The following SGCD variants were observed in gnomAD, a reference collection of about 807,000 sequenced individuals.
The protein encoded by SGCD is delta-sarcoglycan.
Under a neutral mutation model 36.6 loss-of-function variants are expected in SGCD, and 18 were observed. The ratio of observed to expected loss-of-function variants is 0.49; its 90% confidence interval spans 0.34 to 0.73. The LOEUF is 0.73. Ranked by LOEUF, SGCD falls within the 30% of genes least tolerant of loss-of-function variation. SGCD has a pLI of 0.01. For synonymous variants in SGCD, 133 were observed against 130.6 expected (o/e 1.02, Z -0.12); for missense variants, 387 against 346.7 (o/e 1.12, Z -0.92).
intron 1 of SGCD, among the ~76,000 whole-genome samples, chr5:155,931,097 C>A (rs1757090792): frequency 2.0e-5 from 3 of 151,966 alleles, no homozygotes; most frequent in African/African-American, 7.3e-5. Flanking sequence ...GGATATGTTC[C>A]TAAACTGAAT....
intron 1 of SGCD, among the ~76,000 whole-genome samples, chr5:155,981,394 TA>T (rs1758226731): frequency 6.6e-6 from 1 of 152,124 alleles, no homozygotes; most frequent in South Asian, 2.1e-4. Context: ...ATCTATAGTA[TA>T]GCAGTATAGG....
intron 1 of SGCD, among the ~76,000 whole-genome samples, chr5:156,077,197 C>G (rs1760808724): frequency 6.6e-6 from 1 of 152,104 alleles, no homozygotes; most frequent in Non-Finnish European, 1.5e-5. Flanking sequence ...ACTGCCTGAG[C>G]TGGCATCTAA....
chr5:156,230,344 T>C (rs2127650989), intron 3 of SGCD, among the ~76,000 whole-genome samples: 1 of 152,292 alleles, frequency 6.6e-6, no homozygotes, highest in Non-Finnish European at 1.5e-5. Flanking sequence ...CGAAGGCTCT[T>C]GTTCAGATTC....
chr5:156,596,408 C>T (rs1760928042), intron 6 of SGCD, among the ~76,000 whole-genome samples: 2 of 152,220 alleles, frequency 1.3e-5, no homozygotes, highest in Non-Finnish European at 2.9e-5. Flanking sequence ...ATAGAAGTAT[C>T]TATCTTCTGA....
At chr5:156,492,810 G>T (rs939724646) in intron 3 of SGCD, among the ~76,000 whole-genome samples, 1 of 152,000 alleles carries the variant, frequency 6.6e-6, no homozygotes, top group Admixed American at 6.6e-5. Context: ...GAGAACATGT[G>T]GTGTTTAGTT....
the SGCD span, among the ~76,000 whole-genome samples, chr5:155,811,308 T>C: frequency 2.6e-5 from 4 of 152,034 alleles, no homozygotes; most frequent in African/African-American, 9.7e-5. Flanking sequence ...CAACAACAAA[T>C]TGTGGGCTTT....
intron 7 of SGCD, among the ~76,000 whole-genome samples, chr5:156,654,448 G>C (rs945813671): frequency 1.1e-4 from 16 of 152,108 alleles, no homozygotes; most frequent in African/African-American, 2.9e-4. Flanking sequence ...CCTTCAGTAT[G>C]AGTCATTAAT....
chr5:156,073,325 A>T (rs1468186347), intron 1 of SGCD, among the ~76,000 whole-genome samples: 1 of 152,192 alleles, frequency 6.6e-6, no homozygotes, highest in Non-Finnish European at 1.5e-5. Flanking sequence ...TGGGAGGCCA[A>T]GGTGGGAGGA....
At chr5:155,901,124 A>G (rs1405914660) in intron 1 of SGCD, among the ~76,000 whole-genome samples, 1 of 152,036 alleles carries the variant, frequency 6.6e-6, no homozygotes, top group African/African-American at 2.4e-5. Flanking sequence ...CAGCCTGGCC[A>G]ACAAGGTGAA....
chr5:155,969,749 T>C (rs886163114), intron 1 of SGCD, among the ~76,000 whole-genome samples: 1 of 152,054 alleles, frequency 6.6e-6, no homozygotes, highest in Non-Finnish European at 1.5e-5. Context: ...GGCTAGTGTG[T>C]GGAAAATGCC....
chr5:155,863,546 T>A, the SGCD span, among the ~76,000 whole-genome samples: 12 of 149,990 alleles, frequency 8.0e-5, no homozygotes, highest in African/African-American at 2.9e-4. Context: ...CCTGCTGGGA[T>A]GGCCTAAGTC....
intron 3 of SGCD, among the ~76,000 whole-genome samples, chr5:156,361,692 A>G (rs1244396045): frequency 1.3e-5 from 2 of 152,238 alleles, no homozygotes; most frequent in Non-Finnish European, 2.9e-5. Context: ...GTTGCTGAAA[A>G]TCATCATTAC....
chr5:156,654,590 T>G (rs1763599905), intron 7 of SGCD, among the ~76,000 whole-genome samples: 1 of 152,088 alleles, frequency 6.6e-6, no homozygotes, highest in Admixed American at 6.6e-5. Context: ...AGGCCTTAAA[T>G]TTAAAATAGC....
At chr5:156,628,708 C>A (rs1762520814) in intron 6 of SGCD, among the ~76,000 whole-genome samples, 1 of 152,156 alleles carries the variant, frequency 6.6e-6, no homozygotes, top group Non-Finnish European at 1.5e-5. Context: ...AAAGAAATAA[C>A]TAGTTTTACA....
chr5:156,164,926 G>A (rs534425854), intron 3 of SGCD, among the ~76,000 whole-genome samples: 75 of 152,150 alleles, frequency 4.9e-4, no homozygotes, highest in South Asian at 3.7e-3. Context: ...AAGAAATTTC[G>A]GCCCTCAGTT....
chr5:156,090,130 G>A (rs1158357854), intron 1 of SGCD, among the ~76,000 whole-genome samples: 2 of 152,152 alleles, frequency 1.3e-5, no homozygotes, highest in African/African-American at 4.8e-5. Context: ...CCAGGAGGGT[G>A]CATGATGGAG....
chr5:156,739,005 T>C (rs1190201408), intron 7 of SGCD, among the ~76,000 whole-genome samples: 1 of 152,132 alleles, frequency 6.6e-6, no homozygotes, highest in Non-Finnish European at 1.5e-5. Flanking sequence ...GAATAAAAAA[T>C]TGTAGGTGGC....
chr5:155,829,572 A>T, the SGCD span, among the ~76,000 whole-genome samples: 1 of 152,228 alleles, frequency 6.6e-6, no homozygotes, highest in African/African-American at 2.4e-5. Context: ...GAATATTCAC[A>T]TCTTCAGGCC....
chr5:156,379,532 G>A (rs923483509), intron 3 of SGCD, among the ~76,000 whole-genome samples: 1 of 152,164 alleles, frequency 6.6e-6, no homozygotes, highest in Non-Finnish European at 1.5e-5. Context: ...TGGAGTGTCT[G>A]TAAATCAGAA....
Sources: allele counts gnomAD v4.1 joint callset (sites outside exome capture counted in the v4.1 genomes callset), GRCh38; gene constraint gnomAD v4.1.1; transcripts MANE v1.5; gene names NCBI Gene and HGNC (gene_info 2026-07-23, HGNC 2026-07-21).